HECW2: variants seen among roughly 807,000 people sequenced by gnomAD.
HECW2 encodes HECT, C2 and WW domain containing E3 ubiquitin protein ligase 2, also known as E3 ubiquitin-protein ligase HECW2.
Under a neutral mutation model 175.2 loss-of-function variants are expected in HECW2, and 61 were observed. The ratio of observed to expected loss-of-function variants is 0.35; its 90% CI spans 0.28 to 0.43. HECW2 has a LOEUF of 0.43. Among genes scored for constraint, HECW2 ranks in the 20% least tolerant of loss-of-function variants. HECW2 has a pLI of 1.00. For synonymous variants in HECW2, 671 were observed against 731.0 expected (o/e 0.92, Z 1.32); for missense variants, 1,524 against 2,000.5 (o/e 0.76, Z 4.54).
intron 1 of HECW2, among the ~76,000 whole-genome samples, chr2:196,453,897 C>T (rs375025811): frequency 3.9e-5 from 6 of 152,342 alleles, no homozygotes; most frequent in African/African-American, 1.2e-4. Context: ...CCATGTAAGA[C>T]TGCCTCACAT....
At chr2:196,237,349 T>C (rs896256294) in intron 21 of HECW2, among the ~76,000 whole-genome samples, 2 of 152,118 alleles carry the variant, frequency 1.3e-5, no homozygotes, top group Non-Finnish European at 2.9e-5. Context: ...CACCCCCAAC[T>C]CTTTCCCCCA....
chr2:196,362,997 T>C (rs1237174767), intron 2 of HECW2, among the ~76,000 whole-genome samples: 1 of 152,152 alleles, frequency 6.6e-6, no homozygotes, highest in Non-Finnish European at 1.5e-5. Flanking sequence ...TGGCTGCAAT[T>C]ACCTCTCTAT....
At position 196,499,129 on chromosome 2, in the gene HECW2, T is replaced by G. The variant is rs554395493; in HGVS notation, c.-35-65671A>C. The stretch of plus-strand genomic sequence containing the variant: ...CCCCATCTCCTTGCTCAGCTTGCCC[T>G]GCAATTATTAAACGCTTTCTCTGCT... On this transcript the variant is annotated intron_variant, in intron 1 of 28. Coordinates refer to ENST00000644978, the MANE Select transcript of HECW2 (RefSeq NM_001348768.2). Among the ~76,000 whole-genome samples, 35 of 152,294 alleles carry G rather than the reference T, an allele frequency of 2.3e-4. No individual in the cohort carries two copies. In the South Asian group the frequency reaches 6.6e-3, roughly 29 times the overall value.
intron 5 of HECW2, among the ~76,000 whole-genome samples, chr2:196,329,061 G>T (rs1692259813): frequency 1.3e-5 from 2 of 151,592 alleles, no homozygotes; most frequent in African/African-American, 4.9e-5. Flanking sequence ...AATGAGTCTT[G>T]TCTCATAACT....
chr2:196,423,866 A>C (rs996526140), intron 2 of HECW2, among the ~76,000 whole-genome samples: 6 of 152,174 alleles, frequency 3.9e-5, no homozygotes, highest in African/African-American at 1.2e-4. Flanking sequence ...TATACCCATA[A>C]GTGGGATTGC....
At chr2:196,300,789 C>T (rs1360371439) in intron 13 of HECW2, among the ~76,000 whole-genome samples, 1 of 152,074 alleles carries the variant, frequency 6.6e-6, no homozygotes, top group East Asian at 1.9e-4. Flanking sequence ...CAAATATACA[C>T]ACACTTTTTT....
intron 2 of HECW2, among the ~76,000 whole-genome samples, chr2:196,348,389 T>C (rs949020459): frequency 4.6e-5 from 7 of 152,094 alleles, no homozygotes; most frequent in African/African-American, 1.7e-4. Flanking sequence ...ATGCCTGTCA[T>C]CCTAACACTT....
chr2:196,311,098 T>G (rs558900944), intron 10 of HECW2, among the ~76,000 whole-genome samples: 1 of 152,224 alleles, frequency 6.6e-6, no homozygotes, highest in African/African-American at 2.4e-5. Context: ...AATCCTATTT[T>G]AGCCATGACA....
At chr2:196,563,814 C>T (rs1690088160) in intron 1 of HECW2, among the ~76,000 whole-genome samples, 1 of 152,072 alleles carries the variant, frequency 6.6e-6, no homozygotes, top group Non-Finnish European at 1.5e-5. Flanking sequence ...TTGCAAAATG[C>T]TATCTATTAA....
intron 21 of HECW2, among the ~76,000 whole-genome samples, chr2:196,230,880 G>T (rs1445991938): frequency 6.6e-6 from 1 of 152,020 alleles, no homozygotes; most frequent in Non-Finnish European, 1.5e-5. Flanking sequence ...GAGGCAGGCG[G>T]ATCACGAGGT....
rs573204970 is a variant in HECW2, at chr2:196,349,545, G to A, written c.293-5781C>T. On this transcript the variant is annotated intron_variant, in intron 2 of 28. Transcript: ENST00000644978. ...CGTGTGTGTGTGTGTGTGTGCGCGC[G>A]CACACATGCGTACCTTGGCCTCCCA... 7.2e-3 allele frequency among the ~76,000 whole-genome samples: 1,096 copies of A among 151,786 alleles called. 12 individuals are homozygous for A. Among genetic ancestry groups the A allele is most frequent in the Middle Eastern group, 0.024 (7 of 294 alleles).
Position 196,319,598 on chromosome 2 carries a change from G to C in HECW2, c.1292C>G (p.Pro431Arg), listed in dbSNP as rs1190726446. Residue 431 changes from proline to arginine, a missense_variant, in exon 9 of 29, where the codon CCG (proline) becomes CGG (arginine). Pro to Arg is a moderately radical substitution (Grantham distance 103). Coordinates refer to ENST00000644978, the MANE Select transcript of HECW2 (RefSeq NM_001348768.2). ...CCTCTCAGAGCAGGTCGCTGTCCCC[G>C]GCCTGGAGTGGCCATTGTGTTCGAT... ...DAIEHNGHSR[P>R]GTATCSERSM... 1 of 1,614,062 alleles carries C rather than the reference G, an allele frequency of 6.2e-7. No homozygotes were observed. The highest frequency in any genetic ancestry group is 1.3e-5 in the African/African-American group (1 of 74,920).
chr2:196,491,396 A>G (rs1575601984), intron 1 of HECW2, among the ~76,000 whole-genome samples: 1 of 150,456 alleles, frequency 6.6e-6, no homozygotes, highest in Non-Finnish European at 1.5e-5. Context: ...ACACACACAC[A>G]CACACACACA....
intron 1 of HECW2, among the ~76,000 whole-genome samples, chr2:196,449,287 C>A (rs1251588747): frequency 1.3e-5 from 2 of 152,164 alleles, no homozygotes; most frequent in African/African-American, 4.8e-5. Context: ...GTCTTCCCCA[C>A]CTCTGTCTCA....
At chr2:196,329,740 G>T in intron 4 of HECW2, 90 bp from the exon 5 acceptor site, 1 of 1,016,334 alleles carries the variant, frequency 9.8e-7, no homozygotes, top group Non-Finnish European at 1.5e-6. Context: ...TAAATGCAAT[G>T]ATTTTTGCAT....
chr2:196,521,807 T>C (rs1356637460), intron 1 of HECW2, among the ~76,000 whole-genome samples: 2 of 149,944 alleles, frequency 1.3e-5, no homozygotes, highest in African/African-American at 4.9e-5. Context: ...ACAAAGGACA[T>C]GAACTCATCA....
chr2:196,566,369 A>G (rs1690188449), intron 1 of HECW2, among the ~76,000 whole-genome samples: 1 of 152,048 alleles, frequency 6.6e-6, no homozygotes, highest in African/African-American at 2.4e-5. Flanking sequence ...ACTGCTTTAA[A>G]TAGTAGAATT....
intron 10 of HECW2, among the ~76,000 whole-genome samples, chr2:196,312,386 G>A (rs1184352086): frequency 6.6e-6 from 1 of 152,188 alleles, no homozygotes; most frequent in Non-Finnish European, 1.5e-5. Context: ...AAAATGGCGA[G>A]ATGATTAAGT....
chr2:196,577,414 G>A (rs911378322), intron 1 of HECW2, among the ~76,000 whole-genome samples: 1 of 151,910 alleles, frequency 6.6e-6, no homozygotes, highest in African/African-American at 2.4e-5. Context: ...ATCTATTTAA[G>A]GCTTTGATAT....
Sources: gnomAD v4.1 joint callset for allele counts (sites outside exome capture counted in the v4.1 genomes callset) on GRCh38, gnomAD v4.1.1 for gene constraint, MANE v1.5 for transcripts, NCBI Gene and HGNC (gene_info 2026-07-23, HGNC 2026-07-21) for gene names.